The following GPC6 variants were observed in gnomAD, a reference collection of about 807,000 sequenced individuals.
GPC6 encodes glypican-6.
In GPC6, 14 loss-of-function variants were observed where a neutral mutation model predicts 55.2. The observed-to-expected ratio is 0.25, with a 90% CI of 0.17 to 0.40. The LOEUF is 0.40. GPC6 is among the 10% of genes least tolerant of loss of function. The pLI is 1.00. For missense variants in GPC6, 641 were observed against 708.5 expected (o/e 0.90, Z 1.08); for synonymous variants, 278 against 259.6 (o/e 1.07, Z -0.68).
At chr13:94,055,752 T>A (rs1390862494) in intron 4 of GPC6, among the ~76,000 whole-genome samples, 1 of 152,196 alleles carries the variant, frequency 6.6e-6, no homozygotes, top group Admixed American at 6.5e-5. Flanking sequence ...TTTTGAATCA[T>A]GGATCCCTTT....
chr13:93,542,943 C>T (rs183801620), intron 1 of GPC6, among the ~76,000 whole-genome samples: 6,710 of 152,238 alleles, frequency 0.044, 501 homozygotes, highest in African/African-American at 0.15. Flanking sequence ...ATGGGGTTTT[C>T]TAGATATACA....
At chr13:93,312,791 G>A (rs1200872669) in intron 1 of GPC6, among the ~76,000 whole-genome samples, 3 of 152,164 alleles carry the variant, frequency 2.0e-5, no homozygotes. Flanking sequence ...TTCTCATGCT[G>A]TGTGTGATTT....
chr13:93,370,513 A>G (rs1324001), intron 1 of GPC6, among the ~76,000 whole-genome samples: 51,699 of 152,080 alleles, frequency 0.34, 11,310 homozygotes, highest in Non-Finnish European at 0.5. Context: ...CTCAATAAGG[A>G]TGTTTATTGT....
At chr13:93,318,426 A>G (rs1879316133) in intron 1 of GPC6, among the ~76,000 whole-genome samples, 1 of 152,178 alleles carries the variant, frequency 6.6e-6, no homozygotes, top group Admixed American at 6.5e-5. Context: ...TGGGAATAAC[A>G]TGTTTTCTAA....
intron 2 of GPC6, among the ~76,000 whole-genome samples, chr13:93,664,442 C>T (rs1276468240): frequency 6.6e-6 from 1 of 151,994 alleles, no homozygotes. Flanking sequence ...AGAGCATTTC[C>T]CTTGTTAAGG....
intron 1 of GPC6, among the ~76,000 whole-genome samples, chr13:93,304,145 T>C (rs1158863538): frequency 6.6e-6 from 1 of 152,076 alleles, no homozygotes; most frequent in Non-Finnish European, 1.5e-5. Context: ...GGATTACAGA[T>C]GTGAGCTACT....
At chr13:94,359,932 AG>A (rs1878978500) in intron 6 of GPC6, among the ~76,000 whole-genome samples, 1 of 152,228 alleles carries the variant, frequency 6.6e-6, no homozygotes, top group Admixed American at 6.5e-5. Flanking sequence ...TTCCTATGGC[AG>A]GGTGGTGAAA....
intron 1 of GPC6, among the ~76,000 whole-genome samples, chr13:93,345,898 A>G (rs956621309): frequency 6.6e-6 from 1 of 152,234 alleles, no homozygotes; most frequent in Non-Finnish European, 1.5e-5. Context: ...TGAAGTGTGT[A>G]ACAGAATTCT....
At chr13:93,979,385 A>T (rs1373892810) in intron 3 of GPC6, among the ~76,000 whole-genome samples, 2 of 149,920 alleles carry the variant, frequency 1.3e-5, no homozygotes, top group Non-Finnish European at 3.0e-5. Flanking sequence ...TGATTAGTAG[A>T]CTACTCTTTG....
At chr13:94,101,020 C>G (rs1175389708) in intron 4 of GPC6, among the ~76,000 whole-genome samples, 1 of 152,222 alleles carries the variant, frequency 6.6e-6, no homozygotes, top group Non-Finnish European at 1.5e-5. Flanking sequence ...GTCAGGCAAA[C>G]TGGTTAATGT....
rs147912400 is a variant in GPC6 at position 93,513,105 on chromosome 13, C to G, written c.161-32158C>G. ...TGTAAACTGGATTACAAACTTGAGT[C>G]CCTGGAATTAATCTTTGCTTTTCAC... On this transcript the variant is annotated intron_variant, in intron 1 of 8. Coordinates refer to ENST00000377047, the MANE Select transcript of GPC6 (RefSeq NM_005708.5). Among the ~76,000 whole-genome samples, 1,021 of 152,184 alleles carry G rather than the reference C, an allele frequency of 6.7e-3. 4 individuals carry two copies. Among genetic ancestry groups the G allele is most frequent in the Non-Finnish European group, 0.01 (706 of 68,004 alleles).
intron 1 of GPC6, among the ~76,000 whole-genome samples, chr13:93,350,078 G>T (rs1007904529): frequency 2.6e-5 from 4 of 152,190 alleles, no homozygotes; most frequent in Non-Finnish European, 5.9e-5. Flanking sequence ...TGTGGAAATA[G>T]GCTGATCCCA....
chr13:93,629,036 G>GAAAA (rs5805815), intron 2 of GPC6, among the ~76,000 whole-genome samples: 108 of 137,342 alleles, frequency 7.9e-4, no homozygotes, highest in South Asian at 5.7e-3. Flanking sequence ...CTTCTAGCCA[G>GAAAA]AAAAAAAAAA....
At chr13:93,383,366 C>G (rs1277420126) in intron 1 of GPC6, among the ~76,000 whole-genome samples, 1 of 152,124 alleles carries the variant, frequency 6.6e-6, no homozygotes, top group Non-Finnish European at 1.5e-5. Flanking sequence ...TGTGCACCAC[C>G]ACACCCAGCT....
At chr13:93,501,666 A>G (rs926371687) in intron 1 of GPC6, among the ~76,000 whole-genome samples, 2 of 152,174 alleles carry the variant, frequency 1.3e-5, no homozygotes, top group Admixed American at 1.3e-4. Flanking sequence ...AGAAGAGTTT[A>G]CTGCATCTTC....
chr13:93,280,748 C>T (rs1877922253), intron 1 of GPC6, among the ~76,000 whole-genome samples: 1 of 152,232 alleles, frequency 6.6e-6, no homozygotes, highest in African/African-American at 2.4e-5. Flanking sequence ...GGACCAGTTT[C>T]ATGGAAGGTA....
intron 4 of GPC6, among the ~76,000 whole-genome samples, chr13:94,256,098 C>T (rs1891495300): frequency 1.3e-5 from 2 of 152,016 alleles, no homozygotes; most frequent in Non-Finnish European, 2.9e-5. Context: ...GACGTGTAGA[C>T]TTCACATCTA....
At chr13:93,246,953 T>G (rs1876623778) in intron 1 of GPC6, among the ~76,000 whole-genome samples, 1 of 151,582 alleles carries the variant, frequency 6.6e-6, no homozygotes, top group South Asian at 2.1e-4. Context: ...TTTTCAAACT[T>G]AAAAAACTGT....
chr13:93,498,994 T>A (rs1415133167), intron 1 of GPC6, among the ~76,000 whole-genome samples: 1 of 152,140 alleles, frequency 6.6e-6, no homozygotes, highest in Non-Finnish European at 1.5e-5. Flanking sequence ...TTCTATGAAT[T>A]CATTTGTGTA....
Sources: allele counts gnomAD v4.1 joint callset (sites outside exome capture counted in the v4.1 genomes callset), GRCh38; gene constraint gnomAD v4.1.1; transcripts MANE v1.5; gene names NCBI Gene and HGNC (gene_info 2026-07-23, HGNC 2026-07-21).